PSMD1: variants seen among roughly 807,000 people sequenced by gnomAD.
PSMD1 encodes 26S proteasome non-ATPase regulatory subunit 1.
In PSMD1, 18 loss-of-function variants were observed where a neutral mutation model predicts 119.0. The observed-to-expected ratio is 0.15, with a 90% confidence interval of 0.10 to 0.22. The LOEUF (loss-of-function observed/expected upper bound fraction) is 0.22, where lower values mean the gene tolerates loss of function less well. Among genes scored for constraint, PSMD1 ranks in the 10% least tolerant of loss-of-function variants. The pLI is 1.00. For missense variants in PSMD1, 702 were observed against 1,158.5 expected (o/e 0.61, Z 5.72); for synonymous variants, 374 against 396.6 (o/e 0.94, Z 0.68).
chr2:231,165,341 C>G, intron 22 of PSMD1, 55 bp downstream of exon 22: 1 of 1,488,730 alleles, frequency 6.7e-7, no homozygotes, highest in Non-Finnish European at 9.0e-7. Context: ...CTGTCATGGT[C>G]GAGATTCTTC....
At chr2:231,138,881 T>G (rs756873473) in intron 17 of PSMD1, 31 bp downstream of exon 17, 2 of 1,511,114 alleles carry the variant, frequency 1.3e-6, no homozygotes, top group South Asian at 2.3e-5. Context: ...GGTCAGTTCT[T>G]TCTTGGCGCC....
rs139557471 is a variant in PSMD1 at position 231,120,199 on chromosome 2, G to A, written c.1884-18537G>A. Among the ~76,000 whole-genome samples, 59 of 152,168 alleles carry A rather than the reference G, an allele frequency of 3.9e-4. No individual in the cohort carries two copies. The East Asian group carries it at 8.7e-3, about 22-fold the overall frequency. ...ACTCCTGACCTCAGGTGATCCATCC[G>A]TTTCAGCCTCCTAAAGTGCTGGGGT... On this transcript the variant is annotated intron_variant, in intron 16 of 24. Transcript: ENST00000308696.
intron 14 of PSMD1, among the ~76,000 whole-genome samples, chr2:231,084,128 C>T (rs1236022927): frequency 6.6e-6 from 1 of 152,008 alleles, no homozygotes. Flanking sequence ...GCAGGTGGAT[C>T]ACTTGAGGTC....
At chr2:231,067,802 G>A (rs35586538) in intron 5 of PSMD1, among the ~76,000 whole-genome samples, 6,225 of 152,068 alleles carry the variant, frequency 0.041, 194 homozygotes, top group Middle Eastern at 0.082. Context: ...GATTACAGGC[G>A]TGTGCCACCA....
rs1233557764 is a variant in PSMD1 at position 231,172,818 on chromosome 2, A to G, written c.*293A>G. On this transcript the variant is annotated 3_prime_UTR_variant, in exon 25 of 25. Coordinates refer to ENST00000308696, the MANE Select transcript of PSMD1 (RefSeq NM_002807.4). ...GTATCTAATCCTCCCCACACCATGA[A>G]ATGCCTAAATCCCAAGAGCCAGAGT... The G allele has an allele frequency of 1.3e-5, 2 of 152,196 alleles. No homozygotes were observed. Among genetic ancestry groups the G allele is most frequent in the Non-Finnish European group, 2.9e-5 (2 of 68,020 alleles). 9.4% of individuals were successfully genotyped at this position (152,196 alleles called of 1,614,324 possible).
chr2:231,130,297 A>G (rs1695823904), intron 16 of PSMD1, among the ~76,000 whole-genome samples: 1 of 152,236 alleles, frequency 6.6e-6, no homozygotes, highest in Non-Finnish European at 1.5e-5. Context: ...ACTTTTAAAT[A>G]ACATATCAAA....
At chr2:231,154,277 C>CA (rs1455612556) in intron 19 of PSMD1, among the ~76,000 whole-genome samples, 2 of 151,226 alleles carry the variant, frequency 1.3e-5, no homozygotes, top group Admixed American at 1.3e-4. Context: ...ACTAAAAATA[C>CA]AAAAAAATTA....
intron 12 of PSMD1, 126 bp downstream of exon 12, chr2:231,080,440 G>T: frequency 1.3e-6 from 1 of 798,412 alleles, no homozygotes; most frequent in East Asian, 3.1e-5. Context: ...TGTCATCTTG[G>T]ATTTTTTTTT....
At chr2:231,057,166 C>T (rs1693617516) in intron 1 of PSMD1, 125 bp downstream of exon 1, 1 of 1,206,974 alleles carries the variant, frequency 8.3e-7, no homozygotes, top group Admixed American at 3.4e-5. Context: ...TCTTGCTGCC[C>T]AGGGCCCACC....
chr2:231,079,075 G>A (rs535995405), intron 10 of PSMD1, among the ~76,000 whole-genome samples: 4 of 152,240 alleles, frequency 2.6e-5, no homozygotes, highest in African/African-American at 4.8e-5. Context: ...GATTACAGAC[G>A]TGAGCCACCG....
At position 231,065,459 on chromosome 2, in the gene PSMD1, A is replaced by AT. The variant is rs58929120; in HGVS notation, c.305-1434dup. ...AGGCGCCCGCCACCACACCCGGCTA[A>AT]TTTTTTTTTTTTTGTATTTTTAGTA... is the stretch of plus-strand genomic sequence containing the variant. On this transcript the variant is annotated intron_variant, in intron 4 of 24. Coordinates refer to ENST00000308696, the MANE Select transcript of PSMD1 (RefSeq NM_002807.4). Among the ~76,000 whole-genome samples the AT allele has an allele frequency of 1.6e-3, 225 of 140,998 alleles. 4 individuals are homozygous for AT. The highest frequency in any genetic ancestry group is 0.015 in the East Asian group (73 of 4,752). 92.5% of individuals were successfully genotyped at this position (140,998 alleles called of 152,430 possible).
At chr2:231,125,281 C>G (rs1574755097) in intron 16 of PSMD1, among the ~76,000 whole-genome samples, 1 of 152,160 alleles carries the variant, frequency 6.6e-6, no homozygotes, top group Non-Finnish European at 1.5e-5. Flanking sequence ...TTTGGGGGGA[C>G]TGTAATAAAC....
intron 4 of PSMD1, among the ~76,000 whole-genome samples, chr2:231,065,906 T>A (rs1693899474): frequency 6.6e-6 from 1 of 152,218 alleles, no homozygotes. Flanking sequence ...AGGAATCACA[T>A]AATGACAGAC....
chr2:231,067,471 C>T (rs1231988956), intron 5 of PSMD1, among the ~76,000 whole-genome samples: 1 of 152,254 alleles, frequency 6.6e-6, no homozygotes, highest in African/African-American at 2.4e-5. Context: ...CAATTTAAGT[C>T]ACCAACCGAA....
In PSMD1 at chr2:231,153,607, A is replaced by G. The variant is rs1399564098; in HGVS notation, c.2159A>G (p.Lys720Arg). The stretch of plus-strand genomic sequence containing the variant: ...CTGTATTCCAAAGTCATCAATGATA[A>G]GCATGATGATGTCATGGCCAAGTTT... ...RQLYSKVIND[K>R]HDDVMAKFGA... is the part of the protein sequence containing the mutation. The change falls in exon 19 of 25, where the codon AAG becomes AGG. Residue 720 changes from lysine (K) to arginine (R), a missense_variant. Physicochemically the swap from Lys to Arg is conservative, Grantham distance 26 (BLOSUM62 2). Transcript: ENST00000308696. 6.2e-7 allele frequency: 1 copy of G among 1,613,968 alleles called. No individual in the cohort carries two copies. Among genetic ancestry groups the G allele is most frequent in the Admixed American group, 1.7e-5 (1 of 59,994 alleles).
intron 18 of PSMD1, among the ~76,000 whole-genome samples, chr2:231,147,182 T>C (rs1168983352): frequency 6.6e-6 from 1 of 152,166 alleles, no homozygotes; most frequent in Non-Finnish European, 1.5e-5. Flanking sequence ...ATAATAGTTT[T>C]GAGACACCTG....
chr2:231,060,413 C>T (rs995140722), intron 1 of PSMD1: 2 of 152,208 alleles, frequency 1.3e-5, no homozygotes, highest in South Asian at 2.1e-4. Context: ...AGTTTCAACT[C>T]GGTGTTCTGG....
intron 22 of PSMD1, 40 bp downstream of exon 22, chr2:231,165,326 T>C: frequency 2.0e-6 from 3 of 1,532,382 alleles, no homozygotes; most frequent in Non-Finnish European, 2.7e-6. Context: ...GAAGTATCTC[T>C]GTCTCTGTCA....
At chr2:231,153,827 G>A (rs1392971398) in intron 19 of PSMD1, among the ~76,000 whole-genome samples, 161 bp downstream of exon 19, 1 of 152,242 alleles carries the variant, frequency 6.6e-6, no homozygotes, top group East Asian at 1.9e-4. Context: ...ACATTTAAGA[G>A]TACAGGCCGG....
Sources: allele counts gnomAD v4.1 joint callset (sites outside exome capture counted in the v4.1 genomes callset), GRCh38; gene constraint gnomAD v4.1.1; transcripts MANE v1.5; gene names NCBI Gene and HGNC (gene_info 2026-07-23, HGNC 2026-07-21).